Variants in MAD1L1 observed in about 807,000 individuals in gnomAD.
MAD1L1 encodes the protein mitotic spindle assembly checkpoint protein MAD1.
A neutral mutation model predicts 96.9 loss-of-function variants in MAD1L1; 95 were observed. That is an observed-to-expected ratio of 0.98 (90% CI 0.83 to 1.16). The LOEUF is 1.16. Ranked by LOEUF, MAD1L1 falls within the 50% of genes most tolerant of loss-of-function variation. The pLI, the probability that MAD1L1 is intolerant of heterozygous loss-of-function variation, is 0.00. For missense variants in MAD1L1, 1,007 were observed against 954.4 expected (o/e 1.06, Z -0.73); for synonymous variants, 473 against 396.6 (o/e 1.19, Z -2.29).
chr7:2,188,326 T>C (rs889642654), intron 10 of MAD1L1, among the ~76,000 whole-genome samples: 6 of 152,184 alleles, frequency 3.9e-5, no homozygotes, highest in African/African-American at 7.2e-5. Context: ...TTTGCAGACA[T>C]AGGAAAATCT....
chr7:2,163,214 C>A (rs1479682110), intron 10 of MAD1L1, among the ~76,000 whole-genome samples: 1 of 152,178 alleles, frequency 6.6e-6, no homozygotes, highest in Non-Finnish European at 1.5e-5. Flanking sequence ...TGAGTGAGCA[C>A]CACAGTGTTT....
At chr7:2,127,681 C>T (rs780897722) in intron 11 of MAD1L1, among the ~76,000 whole-genome samples, 1 of 152,064 alleles carries the variant, frequency 6.6e-6, no homozygotes, top group Non-Finnish European at 1.5e-5. Flanking sequence ...AACCCACCTG[C>T]GGAGAGGAGG....
At position 2,005,369 on chromosome 7, in the gene MAD1L1, C is replaced by T. The variant is rs920868117; in HGVS notation, c.1360-3248G>A. Among the ~76,000 whole-genome samples, 43 of 152,192 alleles carry T rather than the reference C, an allele frequency of 2.8e-4. No homozygotes were observed. The East Asian group carries it at 3.5e-3, about 12-fold the overall frequency. ...GCATTAGGGGGGTTACACACACACT[C>T]GCTCTGTCGTCCGACAGGCTGAAAA... On this transcript the variant is annotated intron_variant, in intron 13 of 18. Transcript: ENST00000265854.
chr7:1,952,699 C>T (rs978904184), intron 16 of MAD1L1, among the ~76,000 whole-genome samples: 3 of 152,210 alleles, frequency 2.0e-5, no homozygotes, highest in Non-Finnish European at 4.4e-5. Flanking sequence ...GTCCAACCCC[C>T]TTGCCTCACA....
chr7:2,154,028 C>T lies in MAD1L1; in HGVS notation c.987-4790G>A, dbSNP rs559078431. 1.4e-3 allele frequency among the ~76,000 whole-genome samples: 214 copies of T among 152,258 alleles called. 4 individuals carry two copies. The highest frequency in any genetic ancestry group is 9.7e-3 in the South Asian group (47 of 4,822). On this transcript the variant is annotated intron_variant, in intron 10 of 18. Transcript: ENST00000265854. ...AAAATTAGCCAGGCGTGGTGGCACA[C>T]GCCTGTAATCCCAGCTACTCAGGAG...
At chr7:1,922,461 G>A (rs555602434) in intron 17 of MAD1L1, among the ~76,000 whole-genome samples, 8 of 152,196 alleles carry the variant, frequency 5.3e-5, no homozygotes, top group Admixed American at 2.0e-4. Context: ...ACAGACACAC[G>A]GACATATTTC....
chr7:1,866,374 G>A (rs1784780278), intron 18 of MAD1L1, among the ~76,000 whole-genome samples: 1 of 152,188 alleles, frequency 6.6e-6, no homozygotes, highest in Non-Finnish European at 1.5e-5. Flanking sequence ...GCCTGCTCCT[G>A]GAACCCTAAC....
chr7:2,172,257 G>C (rs1198617430), intron 10 of MAD1L1, among the ~76,000 whole-genome samples: 1 of 152,054 alleles, frequency 6.6e-6, no homozygotes, highest in Non-Finnish European at 1.5e-5. Context: ...GAGACACCAC[G>C]ACCCTTCCCA....
intron 12 of MAD1L1, among the ~76,000 whole-genome samples, chr7:2,029,500 T>TC (rs1364054993): frequency 2.0e-5 from 3 of 152,160 alleles, no homozygotes; most frequent in Non-Finnish European, 2.9e-5. Flanking sequence ...ATCATAGCCC[T>TC]CTAAGATGTA....
At chr7:1,971,249 G>A (rs1480350859) in intron 15 of MAD1L1, among the ~76,000 whole-genome samples, 4 of 152,194 alleles carry the variant, frequency 2.6e-5, no homozygotes, top group African/African-American at 9.7e-5. Context: ...TGCTGCTGGG[G>A]GCTGTTGCCG....
At chr7:1,841,976 C>T (rs562715064) in intron 18 of MAD1L1, among the ~76,000 whole-genome samples, 6 of 152,346 alleles carry the variant, frequency 3.9e-5, no homozygotes, top group East Asian at 1.9e-4. Flanking sequence ...GCCTGCTCGC[C>T]GCGCTCGGCC....
chr7:2,192,942 C>A (rs1791799816), intron 10 of MAD1L1, among the ~76,000 whole-genome samples: 1 of 152,118 alleles, frequency 6.6e-6, no homozygotes, highest in African/African-American at 2.4e-5. Context: ...GAACTTAACA[C>A]AAAATGTATT....
At chr7:1,957,781 C>T in intron 15 of MAD1L1, 62 bp from the exon 16 acceptor site, 4 of 1,501,520 alleles carry the variant, frequency 2.7e-6, no homozygotes, top group Non-Finnish European at 3.7e-6. Flanking sequence ...GAAGTCCCAC[C>T]CTCTGGGTGA....
intron 12 of MAD1L1, among the ~76,000 whole-genome samples, chr7:2,059,022 A>G (rs1210225492): frequency 1.2e-4 from 9 of 73,782 alleles, no homozygotes; most frequent in East Asian, 4.5e-4. Flanking sequence ...CAGAGGAGAG[A>G]AGCAGGGCTG....
At chr7:1,962,188 C>T (rs891477548) in intron 15 of MAD1L1, among the ~76,000 whole-genome samples, 2 of 152,202 alleles carry the variant, frequency 1.3e-5, no homozygotes, top group Non-Finnish European at 2.9e-5. Flanking sequence ...TCCCACATAC[C>T]ATTCTCGTGG....
chr7:2,023,673 G>C (rs1277391402), intron 12 of MAD1L1, among the ~76,000 whole-genome samples: 1 of 152,200 alleles, frequency 6.6e-6, no homozygotes. Flanking sequence ...AATTGGCCAG[G>C]TACAGTGGCT....
chr7:1,917,511 G>T (rs1012998729), intron 17 of MAD1L1, among the ~76,000 whole-genome samples: 2 of 152,246 alleles, frequency 1.3e-5, no homozygotes, highest in East Asian at 1.9e-4. Context: ...CAGGGGAAGC[G>T]CCTGTTGGAT....
At chr7:2,035,257 G>A (rs58726982) in intron 12 of MAD1L1, among the ~76,000 whole-genome samples, 15,528 of 129,004 alleles carry the variant, frequency 0.12, 3,306 homozygotes, top group African/African-American at 0.4. Flanking sequence ...GCATGAGCGC[G>A]GGAGCGCTGA....
intron 11 of MAD1L1, among the ~76,000 whole-genome samples, chr7:2,122,464 AAAT>A (rs1204133828): frequency 6.6e-6 from 1 of 152,102 alleles, no homozygotes; most frequent in Non-Finnish European, 1.5e-5. Flanking sequence ...TTACTACTAA[AAAT>A]ACAAAATCAG....
Sources: allele counts gnomAD v4.1 joint callset (sites outside exome capture counted in the v4.1 genomes callset), GRCh38; gene constraint gnomAD v4.1.1; transcripts MANE v1.5; gene names NCBI Gene and HGNC (gene_info 2026-07-23, HGNC 2026-07-21).